The following ESRRA variants were observed in gnomAD, a reference collection of about 807,000 sequenced individuals.
ESRRA encodes the protein steroid hormone receptor ERR1.
A neutral mutation model predicts 35.6 loss-of-function variants in ESRRA; 7 were observed. The observed-to-expected ratio is 0.20, with a 90% CI of 0.11 to 0.37. The LOEUF (loss-of-function observed/expected upper bound fraction) is 0.37, where lower values mean the gene tolerates loss of function less well. ESRRA is among the 10% of genes least tolerant of loss of function. ESRRA has a pLI of 1.00. For missense variants in ESRRA, 378 were observed against 561.7 expected, an observed-to-expected ratio of 0.67 and a Z score of 3.31; for synonymous variants, 223 against 246.9, an observed-to-expected ratio of 0.90 and a Z score of 0.91.
rs557943953 is a variant in ESRRA, at chr11:64,305,999, A to T, written c.-13+263A>T. On this transcript the variant is annotated intron_variant, in intron 1 of 6. Coordinates refer to ENST00000000442, the MANE Select transcript of ESRRA (RefSeq NM_004451.5). The surrounding 1 kb of genome is among the most constrained non-coding windows in gnomAD (Gnocchi z 5.8). ...GACTCGGGTCAGGGTTGGGCCTCCG[A>T]TCCAGCCCGCTCCGGGGCAGGGTTC... 2.7e-4 allele frequency among the ~76,000 whole-genome samples: 41 copies of T among 151,994 alleles called. 1 individual carries two copies. The East Asian group carries it at 7.4e-3, about 28-fold the overall frequency.
Position 64,316,057 on chromosome 11 carries a change from T to C in ESRRA, c.*91T>C. 7.1e-7 allele frequency: 1 copy of C among 1,413,630 alleles called. No individual in the cohort carries two copies. Among genetic ancestry groups the C allele is most frequent in the Non-Finnish European group, 9.6e-7 (1 of 1,046,474 alleles). The allele number at this position is 1,413,630 out of a possible 1,614,324, so 87.6% of individuals were successfully genotyped here. On this transcript the variant is annotated 3_prime_UTR_variant, in exon 7 of 7. Transcript: ENST00000000442. Reference sequence around the variant, plus strand: ...TGGGGCGGAGCTGGGGTCTGGGCAGTGCCACAGCCTGCTGGCAGGGCCAGG... The same window carrying C: ...TGGGGCGGAGCTGGGGTCTGGGCAGCGCCACAGCCTGCTGGCAGGGCCAGG...
intron 2 of ESRRA, among the ~76,000 whole-genome samples, chr11:64,310,237 G>GT (rs199526212): frequency 0.011 from 1,475 of 134,278 alleles, 14 homozygotes; most frequent in South Asian, 0.031. Context: ...ATTCCAGCAC[G>GT]TTTTTTTTTT....
chr11:64,307,975 C>T (rs1260474114), intron 2 of ESRRA, among the ~76,000 whole-genome samples: 1 of 152,050 alleles, frequency 6.6e-6, no homozygotes, highest in Non-Finnish European at 1.5e-5. Context: ...TCACTGCAAC[C>T]TTTGCCCCTG....
At position 64,313,239 on chromosome 11, in the gene ESRRA, C is replaced by G. The variant is rs2135257752; in HGVS notation, c.326-712C>G. ...TGGGGTGTGAGAGGAACCAGAGATTCTGCCTAGGTTTCTTCTTGGGCAAGT... is the reference window on the plus strand; with the variant it reads ...TGGGGTGTGAGAGGAACCAGAGATTGTGCCTAGGTTTCTTCTTGGGCAAGT... On this transcript the variant is annotated intron_variant, in intron 2 of 6. Transcript: ENST00000000442. The surrounding 1 kb of genome is among the most constrained non-coding windows in gnomAD (Gnocchi z 4.0). Among the ~76,000 whole-genome samples, 1 of 152,296 alleles carries G rather than the reference C, an allele frequency of 6.6e-6. No individual in the cohort carries two copies. The highest frequency in any genetic ancestry group is 2.4e-5 in the African/African-American group (1 of 41,566).
chr11:64,316,095 G>T lies in ESRRA; in HGVS notation c.*129G>T. 6 of 1,164,246 alleles carry T rather than the reference G, an allele frequency of 5.2e-6. No individual in the cohort carries two copies. The highest frequency in any genetic ancestry group is 7.3e-6 in the Non-Finnish European group (6 of 826,834). 72.1% of individuals were successfully genotyped at this position (1,164,246 alleles called of 1,614,324 possible). A position where few individuals can be genotyped will look rare whatever the true frequency, so the allele number is the denominator to read the frequency against. ...TGGCAGGGCCAGGGCAATGCCATCA[G>T]CCCCTGGGAACAGGCCCCACGCCCT... On this transcript the variant is annotated 3_prime_UTR_variant, in exon 7 of 7. Coordinates refer to ENST00000000442, the MANE Select transcript of ESRRA (RefSeq NM_004451.5).
Position 64,314,801 on chromosome 11 carries a change from C to T in ESRRA, c.632C>T (p.Ala211Val). The change falls in exon 5 of 7, where the codon GCC (alanine) becomes GTC (valine). Residue 211 changes from alanine to valine, a missense_variant. This residue lies in a region of ESRRA where 284 missense variants were observed against 411.7 expected (regional missense o/e 0.69). Transcript: ENST00000000442. ...GTGGTTGAGCCTGAGAAGCTCTATG[C>T]CATGCCTGACCCCGCAGGCCCTGAT... is the stretch of plus-strand genomic sequence containing the variant. ...LLVVEPEKLY[A>V]MPDPAGPDGH... 1 of 1,612,376 alleles carries T rather than the reference C, an allele frequency of 6.2e-7. No individual in the cohort carries two copies.
chr11:64,314,116 G>A (rs776285018), intron 3 of ESRRA, 49 bp downstream of exon 3: 15 of 1,548,736 alleles, frequency 9.7e-6, no homozygotes, highest in African/African-American at 6.8e-5. Context: ...TCGGGGACCC[G>A]GGCCAGGTGG....
intron 3 of ESRRA, 34 bp from the exon 4 acceptor site, chr11:64,314,205 C>A: frequency 6.3e-7 from 1 of 1,589,576 alleles, no homozygotes; most frequent in Non-Finnish European, 8.6e-7. Flanking sequence ...CCCACAGCAC[C>A]ACAGTCACAG....
At chr11:64,306,053 C>T (rs1480163768) in intron 1 of ESRRA, among the ~76,000 whole-genome samples, 3 of 152,142 alleles carry the variant, frequency 2.0e-5, no homozygotes, top group Non-Finnish European at 4.4e-5. Flanking sequence ...GTCCCTGGGG[C>T]TGGCCGGGGT....
chr11:64,311,649 C>T (rs1427611550), intron 2 of ESRRA, among the ~76,000 whole-genome samples: 4 of 151,718 alleles, frequency 2.6e-5, no homozygotes, highest in African/African-American at 4.8e-5. Context: ...CTCCTGACCT[C>T]GTGATCCACC....
chr11:64,310,488 A>G (rs1373096609), intron 2 of ESRRA, among the ~76,000 whole-genome samples: 1 of 138,738 alleles, frequency 7.2e-6, no homozygotes, highest in East Asian at 2.1e-4. Flanking sequence ...CCTGCCTTGG[A>G]CTCCCAAAGT....
intron 2 of ESRRA, among the ~76,000 whole-genome samples, chr11:64,308,104 C>T (rs1002797864): frequency 3.3e-5 from 5 of 152,030 alleles, no homozygotes; most frequent in African/African-American, 1.2e-4. Flanking sequence ...GTCGGCCAGG[C>T]TGGTCTGGAA....
In ESRRA at chr11:64,316,130, C is replaced by A; in HGVS notation, c.*164C>A. On this transcript the variant is annotated 3_prime_UTR_variant, in exon 7 of 7. Transcript: ENST00000000442. The stretch of plus-strand genomic sequence containing the variant: ...ACAGGCCCCACGCCCTCTCCTCCCC[C>A]TCCTAGGGGGTGTCAGAAGCTGGGA... The A allele has an allele frequency of 1.3e-6, 1 of 794,374 alleles. No homozygotes were observed. The highest frequency in any genetic ancestry group is 2.7e-5 in the East Asian group (1 of 36,872). The allele number at this position is 794,374 out of a possible 1,614,324, so 49.2% of individuals were successfully genotyped here. A position where few individuals can be genotyped will look rare whatever the true frequency, so the allele number is the denominator to read the frequency against.
chr11:64,314,358 C>T lies in ESRRA; in HGVS notation c.562C>T (p.Arg188Trp), dbSNP rs748545689. 52 of 1,580,290 alleles carry T rather than the reference C, an allele frequency of 3.3e-5. No individual in the cohort carries two copies. The highest frequency in any genetic ancestry group is 1.1e-4 in the South Asian group (10 of 87,048). The change falls in exon 4 of 7, where the codon CGG becomes TGG. Residue 188 changes from arginine to tryptophan, a missense_variant. Physicochemically the swap from Arg to Trp is moderately radical, Grantham distance 101. This residue lies in a region of ESRRA where 284 missense variants were observed against 411.7 expected (regional missense o/e 0.69). Coordinates refer to ENST00000000442, the MANE Select transcript of ESRRA (RefSeq NM_004451.5). Reference sequence around the variant, plus strand: ...GCCCCTGGCAGTCGCTGGAGGCCCCCGGAAGACAGGTGAGAGCACTGTGGG... The same window carrying T: ...GCCCCTGGCAGTCGCTGGAGGCCCCTGGAAGACAGGTGAGAGCACTGTGGG... ...AGPLAVAGGP[R>W]KTAAPVNALV...
intron 2 of ESRRA, among the ~76,000 whole-genome samples, chr11:64,308,287 G>C (rs1164292597): frequency 1.3e-5 from 2 of 152,090 alleles, no homozygotes; most frequent in African/African-American, 4.8e-5. Flanking sequence ...GGCCAAGGTG[G>C]GCGGATCACC....
At chr11:64,308,250 C>T (rs975708823) in intron 2 of ESRRA, among the ~76,000 whole-genome samples, 25 of 152,286 alleles carry the variant, frequency 1.6e-4, no homozygotes, top group African/African-American at 6.0e-4. Flanking sequence ...CACAGTTGCT[C>T]ACACCTGTAA....
Position 64,316,349 on chromosome 11 carries a change from C to T in ESRRA, c.*383C>T. ...GCTTTTGCTGCTGCTTAATCCTACC[C>T]CCTCTTCAAAGCAGAGTGGGACTTG... On this transcript the variant is annotated 3_prime_UTR_variant, in exon 7 of 7. Coordinates refer to ENST00000000442, the MANE Select transcript of ESRRA (RefSeq NM_004451.5). 1 of 217,430 alleles carries T rather than the reference C, an allele frequency of 4.6e-6. No individual in the cohort carries two copies. The allele number at this position is 217,430 out of a possible 1,614,324, so 13.5% of individuals were successfully genotyped here. A position where few individuals can be genotyped will look rare whatever the true frequency, so the allele number is the denominator to read the frequency against.
Position 64,307,210 on chromosome 11 carries a change from C to T in ESRRA, c.31C>T (p.Leu11Phe), listed in dbSNP as rs369905424. 5 of 1,605,540 alleles carry T rather than the reference C, an allele frequency of 3.1e-6. No homozygotes were observed. Among genetic ancestry groups the T allele is most frequent in the African/African-American group, 1.3e-5 (1 of 74,788 alleles). The change falls in exon 2 of 7, where the codon CTC becomes TTC. Residue 11 changes from leucine to phenylalanine, a missense_variant. By Grantham distance (22) the Leu-to-Phe change is conservative. This residue lies in a region of ESRRA where 87 missense variants were observed against 92.6 expected (regional missense o/e 0.94). Transcript: ENST00000000442. ...CAGCCAGGTGGTGGGCATTGAGCCTCTCTACATCAAGGCAGAGCCGGCCAG... is the reference window on the plus strand; with the variant it reads ...CAGCCAGGTGGTGGGCATTGAGCCTTTCTACATCAAGGCAGAGCCGGCCAG... MSSQVVGIEPLYIKAEPASPD... is the reference protein window; with the variant it reads MSSQVVGIEPFYIKAEPASPD...
intron 2 of ESRRA, 29 bp downstream of exon 2, chr11:64,307,533 T>C (rs2035060175): frequency 1.4e-6 from 2 of 1,471,660 alleles, no homozygotes; most frequent in African/African-American, 2.8e-5. Context: ...CCCCTGTCCT[T>C]TGCCCTGCAC....
Sources: allele counts gnomAD v4.1 joint callset (sites outside exome capture counted in the v4.1 genomes callset), GRCh38; gene constraint gnomAD v4.1.1; regional missense constraint gnomAD v4.1.1; non-coding constraint Gnocchi (gnomAD v3.1); transcripts MANE v1.5; gene names NCBI Gene and HGNC (gene_info 2026-07-23, HGNC 2026-07-21).